Variants in NSD1 observed in about 807,000 individuals in gnomAD.
NSD1 encodes histone-lysine N-methyltransferase, H3 lysine-36 specific.
A neutral mutation model predicts 242.7 loss-of-function variants in NSD1; 26 were observed. The observed-to-expected ratio is 0.11, with a 90% CI of 0.08 to 0.15. The LOEUF (loss-of-function observed/expected upper bound fraction) is 0.15, where lower values mean the gene tolerates loss of function less well. Ranked by LOEUF, NSD1 falls within the 10% of genes least tolerant of loss-of-function variation. The probability of loss-of-function intolerance (pLI) is 1.00; values close to 1 mark genes in which losing one functional copy is unlikely to be tolerated. For synonymous variants in NSD1, 1,106 were observed against 1,178.1 expected (o/e 0.94, Z 1.25); for missense variants, 2,495 against 3,272.8 (o/e 0.76, Z 5.80).
chr5:177,164,909 T>C (rs1456463040), intron 2 of NSD1, among the ~76,000 whole-genome samples: 2 of 150,902 alleles, frequency 1.3e-5, no homozygotes, highest in African/African-American at 2.4e-5. Context: ...TGCCGCTGCA[T>C]TGAAGCCTGG....
intron 18 of NSD1, 104 bp downstream of exon 18, chr5:177,280,938 T>A: frequency 7.9e-7 from 1 of 1,261,400 alleles, no homozygotes; most frequent in Non-Finnish European, 1.1e-6. Context: ...ATAACACAGT[T>A]AATAATTAAC....
intron 3 of NSD1, among the ~76,000 whole-genome samples, chr5:177,192,786 C>T (rs1237192556): frequency 1.3e-5 from 2 of 152,222 alleles, no homozygotes; most frequent in African/African-American, 4.8e-5. Flanking sequence ...CCGCCTTAGA[C>T]TCCCAAAGTA....
chr5:177,165,769 CTGT>C (rs369672305), intron 2 of NSD1, among the ~76,000 whole-genome samples: 2,786 of 151,900 alleles, frequency 0.018, 35 homozygotes, highest in Non-Finnish European at 0.028. Flanking sequence ...TGGCAAATCA[CTGT>C]TGTTGTTGTT....
rs543930490 is a variant in NSD1 at position 177,176,127 on chromosome 5, C to T, written c.928-15757C>T. Reference sequence around the variant, plus strand: ...CTGACCTGAAGTGATCTACCTGCCTCGGCCTCCCAAAGTGCTGGGATTGCA... The same window carrying T: ...CTGACCTGAAGTGATCTACCTGCCTTGGCCTCCCAAAGTGCTGGGATTGCA... On this transcript the variant is annotated intron_variant, in intron 2 of 22. Transcript: ENST00000439151. Among the ~76,000 whole-genome samples, 53 of 152,326 alleles carry T rather than the reference C, an allele frequency of 3.5e-4. 2 individuals are homozygous for T. In the East Asian group the frequency reaches 8.9e-3, roughly 25 times the overall value.
intron 2 of NSD1, among the ~76,000 whole-genome samples, chr5:177,158,605 C>T (rs35283484): frequency 0.14 from 21,774 of 151,714 alleles, 2,031 homozygotes; most frequent in East Asian, 0.51. Context: ...CCCAAAGTGC[C>T]GAGATTACAG....
chr5:177,165,034 A>G (rs1187344296), intron 2 of NSD1, among the ~76,000 whole-genome samples: 2 of 151,958 alleles, frequency 1.3e-5, no homozygotes, highest in Admixed American at 6.6e-5. Context: ...TGGGAGACCA[A>G]GGCAGGAGGA....
At chr5:177,292,328 T>A (rs1759906316) in intron 22 of NSD1, among the ~76,000 whole-genome samples, 170 bp downstream of exon 22, 1 of 152,272 alleles carries the variant, frequency 6.6e-6, no homozygotes. Flanking sequence ...AGGCTTAGAA[T>A]TCTTAGTTAT....
chr5:177,264,368 A>G (rs1272465937), intron 14 of NSD1, among the ~76,000 whole-genome samples: 1 of 152,168 alleles, frequency 6.6e-6, no homozygotes, highest in Non-Finnish European at 1.5e-5. Context: ...CCACATTGCA[A>G]CTATACACTG....
intron 2 of NSD1, chr5:177,136,323 T>C (rs554457701): frequency 4.6e-5 from 12 of 260,950 alleles, no homozygotes; most frequent in African/African-American, 2.1e-4. Flanking sequence ...GGTATACATA[T>C]ATGATTAAAA....
chr5:177,262,277 A>G (rs1431227072), intron 14 of NSD1, among the ~76,000 whole-genome samples: 1 of 152,172 alleles, frequency 6.6e-6, no homozygotes, highest in Non-Finnish European at 1.5e-5. Context: ...CAAGAAAACA[A>G]TACCTTCTTT....
At chr5:177,144,701 C>A (rs1581117971) in intron 2 of NSD1, among the ~76,000 whole-genome samples, 1 of 152,152 alleles carries the variant, frequency 6.6e-6, no homozygotes, top group East Asian at 1.9e-4. Flanking sequence ...AGGATAATAA[C>A]AATTGAACAG....
At chr5:177,267,814 A>G (rs984062626) in intron 15 of NSD1, 96 bp downstream of exon 15, 1 of 1,240,624 alleles carries the variant, frequency 8.1e-7, no homozygotes, top group African/African-American at 1.5e-5. Context: ...GATCTACTTA[A>G]TTACTCATGG....
chr5:177,204,398 G>T, intron 4 of NSD1, 106 bp downstream of exon 4: 1 of 1,068,780 alleles, frequency 9.4e-7, no homozygotes, highest in Non-Finnish European at 1.4e-6. Flanking sequence ...CTGTTTCCCA[G>T]ATTGGAGTAC....
At chr5:177,149,186 G>A (rs1010634732) in intron 2 of NSD1, among the ~76,000 whole-genome samples, 5 of 151,620 alleles carry the variant, frequency 3.3e-5, no homozygotes, top group Non-Finnish European at 7.4e-5. Flanking sequence ...TTAGCCATTC[G>A]TGTAGATATG....
rs1343099230 is a variant in NSD1, at chr5:177,204,036, T to A, written c.1064-84T>A. 4 of 1,303,498 alleles carry A rather than the reference T, an allele frequency of 3.1e-6. No individual in the cohort carries two copies. In the East Asian group the frequency reaches 9.2e-5, roughly 30 times the overall value. 80.7% of individuals were successfully genotyped at this position (1,303,498 alleles called of 1,614,324 possible). A position where few individuals can be genotyped will look rare whatever the true frequency, so the allele number is the denominator to read the frequency against. Reference sequence around the variant, plus strand: ...TTAGTTGTTTCCAGACAGTCTTCTTTGGCGGCAATGATGTGGCTGTTCTCT... The same window carrying A: ...TTAGTTGTTTCCAGACAGTCTTCTTAGGCGGCAATGATGTGGCTGTTCTCT... On this transcript the variant is annotated intron_variant, in intron 3 of 22. Coordinates refer to ENST00000439151, the MANE Select transcript of NSD1 (RefSeq NM_022455.5).
At chr5:177,285,105 G>A (rs776080479) in intron 20 of NSD1, among the ~76,000 whole-genome samples, 4 of 152,160 alleles carry the variant, frequency 2.6e-5, no homozygotes, top group Non-Finnish European at 5.9e-5. Flanking sequence ...AATTTGAATC[G>A]AAAGTAAATC....
intron 9 of NSD1, 86 bp downstream of exon 9, chr5:177,244,356 T>C (rs1308065621): frequency 1.0e-6 from 1 of 964,414 alleles, no homozygotes; most frequent in African/African-American, 1.6e-5. Context: ...GTTACATGTG[T>C]AAGCCCGACC....
chr5:177,198,144 GCCT>G (rs1269262554), intron 3 of NSD1, among the ~76,000 whole-genome samples: 1 of 152,024 alleles, frequency 6.6e-6, no homozygotes, highest in East Asian at 1.9e-4. Context: ...TTCCACCTCA[GCCT>G]CCTCAGTAGC....
At chr5:177,160,125 A>C (rs1225685146) in intron 2 of NSD1, among the ~76,000 whole-genome samples, 1 of 151,838 alleles carries the variant, frequency 6.6e-6, no homozygotes, top group Non-Finnish European at 1.5e-5. Flanking sequence ...TACTGACCTC[A>C]GGTGATGTGC....
Sources: allele counts gnomAD v4.1 joint callset (sites outside exome capture counted in the v4.1 genomes callset), GRCh38; gene constraint gnomAD v4.1.1; transcripts MANE v1.5; gene names NCBI Gene and HGNC (gene_info 2026-07-23, HGNC 2026-07-21).